PHEX: variants seen among roughly 807,000 people sequenced by gnomAD.
PHEX encodes the protein phosphate regulating endopeptidase X-linked, also known as phosphate-regulating neutral endopeptidase PHEX.
A neutral mutation model predicts 68.0 loss-of-function variants in PHEX; 16 were observed. The observed-to-expected ratio is 0.24, with a 90% CI of 0.16 to 0.36. The LOEUF is 0.36. Among genes scored for constraint, PHEX ranks in the 10% least tolerant of loss-of-function variants. PHEX has a pLI of 1.00. For missense variants in PHEX, 480 were observed against 575.5 expected, an observed-to-expected ratio of 0.83 and a Z score of 1.70; for synonymous variants, 208 against 205.1, an observed-to-expected ratio of 1.01 and a Z score of -0.12.
chrX:22,107,633 C>T (rs1164157656), intron 9 of PHEX, among the ~76,000 whole-genome samples: 1 of 112,034 alleles, frequency 8.9e-6, no homozygotes, highest in Non-Finnish European at 1.9e-5. Flanking sequence ...AGTTCACGTT[C>T]CTGTTTGCAA....
intron 12 of PHEX, among the ~76,000 whole-genome samples, chrX:22,134,434 T>C (rs1254430014): frequency 8.9e-6 from 1 of 111,740 alleles, no homozygotes; most frequent in African/African-American, 3.3e-5. Context: ...CTGCTAAAAA[T>C]ACAAAAAAAT....
chrX:22,078,176 C>T (rs908421070), intron 5 of PHEX, among the ~76,000 whole-genome samples: 1 of 112,160 alleles, frequency 8.9e-6, no homozygotes, highest in African/African-American at 3.2e-5. Context: ...CTCCTCCCTC[C>T]TTTCCAAAGA....
chrX:22,101,671 T>C (rs1930433201), intron 9 of PHEX, among the ~76,000 whole-genome samples: 1 of 111,332 alleles, frequency 9.0e-6, no homozygotes, highest in African/African-American at 3.3e-5. Flanking sequence ...GGTGGAGGAT[T>C]GTATAGGTTT....
chrX:22,228,482 G>A (rs150450167), intron 20 of PHEX, among the ~76,000 whole-genome samples: 1,261 of 108,505 alleles, frequency 0.012, 10 homozygotes, highest in Non-Finnish European at 0.019. Context: ...GCTTGCCTGC[G>A]GTCTTTTATT....
At chrX:22,135,629 A>C (rs183883768) in intron 12 of PHEX, among the ~76,000 whole-genome samples, 1 of 111,851 alleles carries the variant, frequency 8.9e-6, no homozygotes, top group East Asian at 2.8e-4. Flanking sequence ...GAGTGGCATA[A>C]GGGAGTGGGT....
intron 2 of PHEX, among the ~76,000 whole-genome samples, chrX:22,044,285 T>A (rs924195088): frequency 5.4e-5 from 6 of 111,344 alleles, no homozygotes; most frequent in Non-Finnish European, 1.1e-4. Context: ...GACTGAGACG[T>A]GTGATCCATG....
chrX:22,037,200 A>G (rs1269570830), intron 1 of PHEX, among the ~76,000 whole-genome samples: 1 of 111,282 alleles, frequency 9.0e-6, no homozygotes, highest in African/African-American at 3.3e-5. Context: ...GGAGGATGGC[A>G]GCAGAGAAAA....
intron 13 of PHEX, among the ~76,000 whole-genome samples, chrX:22,175,347 CGT>C (rs779411821): frequency 8.5e-5 from 9 of 105,503 alleles, no homozygotes; most frequent in African/African-American, 1.0e-4. Flanking sequence ...TTCTTTACAA[CGT>C]TTTTTTTTTT....
chrX:22,111,590 C>T (rs768443581), intron 10 of PHEX, 30 bp downstream of exon 10: 2 of 995,277 alleles, frequency 2.0e-6, no homozygotes, highest in Non-Finnish European at 2.9e-6. Flanking sequence ...AGTGTTACAT[C>T]GCTGGATAAC....
At chrX:22,110,287 C>A (rs928949192) in intron 9 of PHEX, among the ~76,000 whole-genome samples, 7 of 112,086 alleles carry the variant, frequency 6.2e-5, no homozygotes, top group Non-Finnish European at 1.1e-4. Context: ...AAAAACATCA[C>A]CAAACTTCTA....
rs770920554 is a variant in PHEX at position 22,167,572 on chromosome X, G to C, written c.1405-740G>C. Among the ~76,000 whole-genome samples, 80 of 102,434 alleles carry C rather than the reference G, an allele frequency of 7.8e-4. 1 individual carries two copies. Among genetic ancestry groups the C allele is most frequent in the African/African-American group, 2.9e-3 (78 of 27,279 alleles). The allele number at this position is 102,434 out of a possible 115,157, so 89.0% of individuals were successfully genotyped here. A position where few individuals can be genotyped will look rare whatever the true frequency, so the allele number is the denominator to read the frequency against. Reference sequence around the variant, plus strand: ...AGTAGTGTGATCATAGTTCACTGCAGCCTCTACCTCCCAGGCTCAAGTGAT... The same window carrying C: ...AGTAGTGTGATCATAGTTCACTGCACCCTCTACCTCCCAGGCTCAAGTGAT... On this transcript the variant is annotated intron_variant, in intron 12 of 21. Transcript: ENST00000379374.
chrX:22,152,082 CAG>C (rs1932864087), intron 12 of PHEX, among the ~76,000 whole-genome samples: 2 of 111,952 alleles, frequency 1.8e-5, no homozygotes, highest in South Asian at 7.4e-4. Flanking sequence ...TTTAATCACT[CAG>C]AAGATAATAT....
chrX:22,162,595 T>C (rs1007176239), intron 12 of PHEX: 1 of 112,497 alleles, frequency 8.9e-6, no homozygotes, highest in South Asian at 3.7e-4. Context: ...GTGTTTTACA[T>C]GCAATGTCAT....
At chrX:22,038,179 G>A (rs1391004512) in intron 1 of PHEX, among the ~76,000 whole-genome samples, 4 of 110,606 alleles carry the variant, frequency 3.6e-5, no homozygotes, top group Non-Finnish European at 7.6e-5. Flanking sequence ...TGCAGCAGCA[G>A]CAGCTGCTGC....
At chrX:22,179,472 C>T (rs1256520060) in intron 14 of PHEX, among the ~76,000 whole-genome samples, 1 of 109,175 alleles carries the variant, frequency 9.2e-6, no homozygotes, top group Non-Finnish European at 1.9e-5. Context: ...TTTTATTCCT[C>T]ACCCCCCTCC....
rs764308559 is a variant in PHEX at position 22,075,101 on chromosome X, C to A, written c.350-1287C>A. 3.7e-5 allele frequency among the ~76,000 whole-genome samples: 4 copies of A among 107,196 alleles called. No individual in the cohort carries two copies. The South Asian group carries it at 1.6e-3, about 44-fold the overall frequency. The allele number at this position is 107,196 out of a possible 115,157, so 93.1% of individuals were successfully genotyped here. On this transcript the variant is annotated intron_variant, in intron 3 of 21. Transcript: ENST00000379374. The stretch of plus-strand genomic sequence containing the variant: ...CAAAAAAAAAAAAAAATCCTTGGGG[C>A]TAGTTATCTTGATTTTATTATTATG...
At chrX:22,174,397 G>T (rs1159630274) in intron 13 of PHEX, among the ~76,000 whole-genome samples, 3 of 111,414 alleles carry the variant, frequency 2.7e-5, no homozygotes, top group African/African-American at 9.8e-5. Context: ...ATAGTTGCTG[G>T]GTTTCAATTC....
intron 3 of PHEX, among the ~76,000 whole-genome samples, chrX:22,061,378 C>A (rs1928356682): frequency 9.0e-6 from 1 of 111,548 alleles, no homozygotes; most frequent in Non-Finnish European, 1.9e-5. Context: ...GAGAACTTTT[C>A]AACTGTGACT....
intron 3 of PHEX, among the ~76,000 whole-genome samples, chrX:22,061,593 C>A (rs1928366462): frequency 9.0e-6 from 1 of 111,237 alleles, no homozygotes. Context: ...CATTAGTTAT[C>A]ATTTATTGGA....
Sources: allele counts gnomAD v4.1 joint callset (sites outside exome capture counted in the v4.1 genomes callset), GRCh38; gene constraint gnomAD v4.1.1; transcripts MANE v1.5; gene names NCBI Gene and HGNC (gene_info 2026-07-23, HGNC 2026-07-21).